ANK3: variants seen among roughly 807,000 people sequenced by gnomAD.
ANK3 encodes ankyrin 3, also known as ankyrin-3.
ANK3 carries 57 observed loss-of-function variants against 370.9 expected under a neutral mutation model. The ratio of observed to expected loss-of-function variants is 0.15; its 90% CI spans 0.12 to 0.19. The LOEUF is 0.19. ANK3 is among the 10% of genes least tolerant of loss of function. ANK3 has a pLI of 1.00. For missense variants in ANK3, 4,439 were observed against 5,302.1 expected (o/e 0.84, Z 5.06); for synonymous variants, 1,929 against 1,946.3 (o/e 0.99, Z 0.23).
intron 1 of ANK3, among the ~76,000 whole-genome samples, chr10:60,384,553 G>A (rs2061993962): frequency 6.6e-6 from 1 of 152,160 alleles, no homozygotes; most frequent in African/African-American, 2.4e-5. Context: ...TGTCCAAATT[G>A]GAATCTTAGC....
intron 41 of ANK3, among the ~76,000 whole-genome samples, chr10:60,059,113 CATGT>C (rs2079809467): frequency 2.0e-5 from 3 of 152,130 alleles, no homozygotes; most frequent in African/African-American, 7.2e-5. Flanking sequence ...AAATCTTGGG[CATGT>C]ATGTAAATTT....
rs139139289 is a variant in ANK3, at chr10:60,546,650, G to A, written c.96+68536C>T. Among the ~76,000 whole-genome samples the A allele has an allele frequency of 5.0e-4, 76 of 152,142 alleles. 1 individual carries two copies. The highest frequency in any genetic ancestry group is 1.7e-3 in the African/African-American group (69 of 41,506). On this transcript the variant is annotated intron_variant, in intron 2 of 43. Transcript: ENST00000373827. ...TGCAATTTCACTTCCTTTAGACATT[G>A]TGGCCCCTCCTACAACAAGCAACTG...
In ANK3 at chr10:60,069,596, A is replaced by T. The variant is rs1271317777; in HGVS notation, c.11285T>A (p.Met3762Lys). 2 of 1,613,798 alleles carry T rather than the reference A, an allele frequency of 1.2e-6. No individual in the cohort carries two copies. Among genetic ancestry groups the T allele is most frequent in the Non-Finnish European group, 1.7e-6 (2 of 1,179,972 alleles). ...CTGGCTATTGGCTGTATTTGAAATC[A>T]TTGTTATAGTTTCATTTTCTAATCC... The part of the protein sequence containing the change: ...CQGLENETIT[M>K]ISNTANSQMG... The change falls in exon 37 of 44, where the codon ATG becomes AAG. Residue 3762 changes from methionine (M) to lysine (K), a missense_variant. Transcript: ENST00000280772.
At chr10:60,105,347 T>C (rs1156671863) in intron 28 of ANK3, among the ~76,000 whole-genome samples, 1 of 152,126 alleles carries the variant, frequency 6.6e-6, no homozygotes, top group African/African-American at 2.4e-5. Flanking sequence ...TATGAAAAAG[T>C]GACATGCTCA....
chr10:60,266,181 T>A (rs764823667), intron 5 of ANK3, among the ~76,000 whole-genome samples: 5 of 152,006 alleles, frequency 3.3e-5, no homozygotes, highest in Admixed American at 6.6e-5. Context: ...AAAAACGATA[T>A]CATAGGTTTA....
At chr10:60,238,690 C>T (rs1255676124) in intron 7 of ANK3, among the ~76,000 whole-genome samples, 1 of 151,986 alleles carries the variant, frequency 6.6e-6, no homozygotes, top group Non-Finnish European at 1.5e-5. Flanking sequence ...GCCCCAGACT[C>T]CACCCCAAGC....
At chr10:60,273,871 C>T (rs537734859) in intron 4 of ANK3, among the ~76,000 whole-genome samples, 15 of 152,302 alleles carry the variant, frequency 9.8e-5, no homozygotes, top group African/African-American at 3.6e-4. Flanking sequence ...CCTTATTTGC[C>T]TTCCACCATG....
intron 1 of ANK3, among the ~76,000 whole-genome samples, chr10:60,667,842 T>C (rs2079017655): frequency 6.6e-6 from 1 of 151,526 alleles, no homozygotes. Flanking sequence ...TGGCCCTGAA[T>C]CTCTCTCTTT....
intron 1 of ANK3, among the ~76,000 whole-genome samples, chr10:60,296,582 C>T (rs756019473): frequency 1.2e-4 from 18 of 151,968 alleles, no homozygotes; most frequent in Non-Finnish European, 2.5e-4. Flanking sequence ...GAGGCTGTAC[C>T]CTTCAAAGAT....
In ANK3 at chr10:60,421,613, A is replaced by T. The variant is rs150948475; in HGVS notation, c.97-141974T>A. ...AGATAGTGGCATGGTCTTGTGACTG[A>T]CCTCCCTTGACTCCCTAGGAGTTCC... On this transcript the variant is annotated intron_variant, in intron 2 of 43. Transcript: ENST00000373827. 4.6e-3 allele frequency among the ~76,000 whole-genome samples: 698 copies of T among 151,610 alleles called. 9 individuals carry two copies. Among genetic ancestry groups the T allele is most frequent in the African/African-American group, 0.016 (655 of 41,356 alleles).
intron 25 of ANK3, among the ~76,000 whole-genome samples, chr10:60,126,683 G>A (rs1316125955): frequency 1.3e-4 from 17 of 134,916 alleles, no homozygotes; most frequent in African/African-American, 1.5e-4. Flanking sequence ...GTGAGACTCC[G>A]TCTCAAAAAA....
At chr10:60,226,510 CATAGTAT>C (rs1565820680) in intron 8 of ANK3, among the ~76,000 whole-genome samples, 4 of 51,660 alleles carry the variant, frequency 7.7e-5, no homozygotes, top group Admixed American at 4.5e-4. Flanking sequence ...AGTATATATA[CATAGTAT>C]ATATACTATA....
intron 2 of ANK3, among the ~76,000 whole-genome samples, chr10:60,580,459 C>T (rs1442364334): frequency 6.6e-6 from 1 of 152,074 alleles, no homozygotes. Context: ...CAAATTTTGC[C>T]CTTTTCTAAC....
At chr10:60,657,910 T>C (rs2078886654) in intron 1 of ANK3, among the ~76,000 whole-genome samples, 1 of 152,198 alleles carries the variant, frequency 6.6e-6, no homozygotes, top group Non-Finnish European at 1.5e-5. Context: ...ACTAGGTACA[T>C]ATACATTTAT....
chr10:60,198,492 C>T lies in ANK3; in HGVS notation c.1537G>A (p.Asp513Asn). Residue 513 changes from aspartate to asparagine, a missense_variant, in exon 14 of 44, where the codon GAC becomes AAC. Physicochemically the swap from Asp to Asn is conservative, Grantham distance 23 (BLOSUM62 1). Coordinates refer to ENST00000280772, the MANE Select transcript of ANK3 (RefSeq NM_020987.5). ...TGCTGCAACAGCTGTTGTACTATGTCTGCTTTCCCCAGTCGGGCTGAAATG... is the reference window on the plus strand; with the variant it reads ...TGCTGCAACAGCTGTTGTACTATGTTTGCTTTCCCCAGTCGGGCTGAAATG... ...LHISARLGKA[D>N]IVQQLLQQGA... The T allele has an allele frequency of 6.2e-7, 1 of 1,614,200 alleles. No individual in the cohort carries two copies. The highest frequency in any genetic ancestry group is 8.5e-7 in the Non-Finnish European group (1 of 1,180,034).
rs751665960 is a variant in ANK3 at position 60,074,092 on chromosome 10, T to C, written c.6789A>G (p.Ala2263=). 1.4e-5 allele frequency: 22 copies of C among 1,613,982 alleles called. No individual in the cohort carries two copies. The highest frequency in any genetic ancestry group is 1.6e-5 in the Non-Finnish European group (19 of 1,179,986). ...VYHSPPGGEG[A]SERIEETMSV... ...ACATGGTTTCTTCAATTCTTTCAGA[T>C]GCACCTTCACCGCCTGGTGGAGAAT... The change falls in exon 37 of 44, where the codon GCA becomes GCG. Residue 2263 remains alanine, a synonymous_variant. Coordinates refer to ENST00000280772, the MANE Select transcript of ANK3 (RefSeq NM_020987.5).
chr10:60,172,099 T>C (rs1452799268), intron 21 of ANK3, among the ~76,000 whole-genome samples: 1 of 152,248 alleles, frequency 6.6e-6, no homozygotes, highest in Admixed American at 6.5e-5. Flanking sequence ...TACAGATGCA[T>C]CTTTTAAATA....
chr10:60,279,686 G>A lies in ANK3; in HGVS notation c.115-47C>T, dbSNP rs370727561. 10 of 1,424,786 alleles carry A rather than the reference G, an allele frequency of 7.0e-6. No homozygotes were observed. In the African/African-American group the frequency reaches 1.4e-4, roughly 20 times the overall value. 88.3% of individuals were successfully genotyped at this position (1,424,786 alleles called of 1,614,324 possible). ...TTTTGATGAAAAATGAAGCTAATAT[G>A]CATGTTTATAAACTATCCAGCTTAA... On this transcript the variant is annotated intron_variant, in intron 1 of 43. Transcript: ENST00000280772.
intron 2 of ANK3, among the ~76,000 whole-genome samples, chr10:60,402,842 C>T (rs1396840778): frequency 6.6e-6 from 1 of 152,138 alleles, no homozygotes; most frequent in Non-Finnish European, 1.5e-5. Context: ...TGGGAACCTG[C>T]CTGAACCATA....
Sources: allele counts gnomAD v4.1 joint callset (sites outside exome capture counted in the v4.1 genomes callset), GRCh38; gene constraint gnomAD v4.1.1; transcripts MANE v1.5; gene names NCBI Gene and HGNC (gene_info 2026-07-23, HGNC 2026-07-21).